Variants in CDCA2 observed in about 807,000 individuals in gnomAD.
The protein encoded by CDCA2 is cell division cycle-associated protein 2.
CDCA2 carries 44 observed loss-of-function variants against 67.0 expected under a neutral mutation model. The ratio of observed to expected loss-of-function variants is 0.66; its 90% confidence interval spans 0.52 to 0.84. CDCA2 has a LOEUF of 0.84. Among genes scored for constraint, CDCA2 ranks in the 40% least tolerant of loss-of-function variants. The pLI, the probability that CDCA2 is intolerant of heterozygous loss-of-function variation, is 0.00. For missense variants in CDCA2, 1,253 were observed against 1,203.2 expected, an observed-to-expected ratio of 1.04 and a Z score of -0.61; for synonymous variants, 447 against 418.7, an observed-to-expected ratio of 1.07 and a Z score of -0.82.
Position 25,506,938 on chromosome 8 carries a change from G to A in CDCA2, c.2272G>A (p.Asp758Asn). 3.1e-6 allele frequency: 5 copies of A among 1,613,172 alleles called. No individual in the cohort carries two copies. The highest frequency in any genetic ancestry group is 4.2e-6 in the Non-Finnish European group (5 of 1,179,728). ...TTGTCAGTTCTTTAAAATTTCACCA[G>A]ATTTAAACATAAAGTGTGAAAGAAA... is the stretch of plus-strand genomic sequence containing the variant. Reference protein sequence around the residue: ...NLCQFFKISPDLNIKCERKDD... With the variant: ...NLCQFFKISPNLNIKCERKDD... Residue 758 changes from aspartate to asparagine, a missense_variant, in exon 15 of 15, where the codon GAT (aspartate) becomes AAT (asparagine). Coordinates refer to ENST00000330560, the MANE Select transcript of CDCA2 (RefSeq NM_152562.4).
Position 25,485,835 on chromosome 8 carries a change from C to T in CDCA2, c.1442C>T (p.Ser481Leu). The T allele has an allele frequency of 6.5e-7, 1 of 1,549,908 alleles. No homozygotes were observed. The highest frequency in any genetic ancestry group is 8.9e-7 in the Non-Finnish European group (1 of 1,126,708). The change falls in exon 11 of 15, where the codon TCA becomes TTA. Residue 481 changes from serine (S) to leucine (L), a missense_variant and splice_region_variant. By Grantham distance (145) the Ser-to-Leu change is moderately radical (BLOSUM62 -2). Transcript: ENST00000330560. ...PNKSSISETL[S>L]GTDTFSSSNN... The stretch of plus-strand genomic sequence containing the variant: ...AAATCATCAATCTCTGAGACCCTTT[C>T]AGGTAGTAACTTGTTTATCTTAAAA...
At chr8:25,468,086 C>G in intron 5 of CDCA2, 131 bp from the exon 6 acceptor site, 1 of 296,348 alleles carries the variant, frequency 3.4e-6, no homozygotes, top group South Asian at 1.6e-4. Context: ...CCATTGTACT[C>G]AAGCCTGGGC....
intron 13 of CDCA2, 117 bp downstream of exon 13, chr8:25,488,806 T>A (rs965734748): frequency 1.7e-5 from 18 of 1,030,374 alleles, no homozygotes; most frequent in Admixed American, 3.5e-5. Context: ...AGATTATTAA[T>A]GCAATCTTAC....
rs369855468 is a variant in CDCA2 at position 25,479,943 on chromosome 8, A to G, written c.851A>G (p.Lys284Arg). 1.9e-5 allele frequency: 31 copies of G among 1,614,072 alleles called. No individual in the cohort carries two copies. The highest frequency in any genetic ancestry group is 7.7e-5 in the South Asian group (7 of 91,088). Residue 284 changes from lysine (K) to arginine (R), a missense_variant, in exon 8 of 15, where the codon AAA becomes AGA. Physicochemically the swap from Lys to Arg is conservative, Grantham distance 26. Transcript: ENST00000330560. ...AAGGTTGCTGACTGTGTAGTGGGCA[A>G]AGGATCAAGTGATGCCGTTTCGCCT... ...ALKVADCVVG[K>R]GSSDAVSPDT...
chr8:25,495,083 C>T (rs1804161496), intron 13 of CDCA2, among the ~76,000 whole-genome samples: 1 of 152,126 alleles, frequency 6.6e-6, no homozygotes, highest in Non-Finnish European at 1.5e-5. Flanking sequence ...AATACATTAC[C>T]CTTTGTCTAA....
chr8:25,468,547 G>GTGTGTGTGTGTGTT, intron 6 of CDCA2, 134 bp downstream of exon 6: 1 of 519,834 alleles, frequency 1.9e-6, no homozygotes, highest in Non-Finnish European at 3.4e-6. Context: ...GTGTGTGTGT[G>GTGTGTGTGTGTGTT]TGTGTGTGTG....
intron 13 of CDCA2, among the ~76,000 whole-genome samples, chr8:25,489,146 A>G (rs1469485262): frequency 6.6e-6 from 1 of 152,070 alleles, no homozygotes; most frequent in East Asian, 1.9e-4. Context: ...CGTCTCAGAT[A>G]CCCTTACAGT....
chr8:25,479,987 G>C lies in CDCA2; in HGVS notation c.895G>C (p.Val299Leu). The change falls in exon 8 of 15, where the codon GTG becomes CTG. Residue 299 changes from valine (V) to leucine (L), a missense_variant. Transcript: ENST00000330560. Reference sequence around the variant, plus strand: ...TTCGCCTGACACGTTCACAGCAGAAGTGAGCTCAGACGCAGTCCCTGATGT... The same window carrying C: ...TTCGCCTGACACGTTCACAGCAGAACTGAGCTCAGACGCAGTCCCTGATGT... ...AVSPDTFTAE[V>L]SSDAVPDVRS... The C allele has an allele frequency of 1.2e-6, 2 of 1,614,188 alleles. No individual in the cohort carries two copies. The highest frequency in any genetic ancestry group is 1.7e-6 in the Non-Finnish European group (2 of 1,180,046).
intron 8 of CDCA2, among the ~76,000 whole-genome samples, chr8:25,482,620 G>A (rs1431499374): frequency 6.6e-6 from 1 of 152,212 alleles, no homozygotes; most frequent in Non-Finnish European, 1.5e-5. Context: ...TGTAATCCCA[G>A]CACTTTGGGA....
At chr8:25,461,935 G>GTT in intron 3 of CDCA2, 119 bp from the exon 4 acceptor site, 1 of 998,778 alleles carries the variant, frequency 1.0e-6, no homozygotes, top group South Asian at 1.6e-5. Flanking sequence ...TCTCCACTGA[G>GTT]TTTTTTGTAG....
chr8:25,494,846 T>C (rs1216683532), intron 13 of CDCA2, among the ~76,000 whole-genome samples: 2 of 152,034 alleles, frequency 1.3e-5, no homozygotes, highest in Non-Finnish European at 2.9e-5. Flanking sequence ...GAGGAGGAAA[T>C]TCGGACCCAC....
At position 25,507,835 on chromosome 8, in the gene CDCA2, C is replaced by G; in HGVS notation, c.*97C>G. ...CATTCTCTGTTCAACCTCAGTGTTT[C>G]AAAAGTTCCTAATAAATAAACTCAT... On this transcript the variant is annotated 3_prime_UTR_variant, in exon 15 of 15. Coordinates refer to ENST00000330560, the MANE Select transcript of CDCA2 (RefSeq NM_152562.4). 7.7e-7 allele frequency: 1 copy of G among 1,293,784 alleles called. No individual in the cohort carries two copies. Among genetic ancestry groups the G allele is most frequent in the Non-Finnish European group, 1.0e-6 (1 of 978,984 alleles). 80.1% of individuals were successfully genotyped at this position (1,293,784 alleles called of 1,614,324 possible).
Position 25,506,705 on chromosome 8 carries a change from C to A in CDCA2, c.2039C>A (p.Thr680Lys). 6.2e-7 allele frequency: 1 copy of A among 1,611,176 alleles called. No individual in the cohort carries two copies. Residue 680 changes from threonine (T) to lysine (K), a missense_variant, in exon 15 of 15, where the codon ACA becomes AAA. Physicochemically the swap from Thr to Lys is moderately conservative, Grantham distance 78 (BLOSUM62 -1). Transcript: ENST00000330560. ...GCTACTTCTGATGAAGATCCAAATA[C>A]AAATATAATGAACATTAATGAAAAT... ...GNATSDEDPN[T>K]NIMNINENKN...
At chr8:25,499,500 C>T (rs111975929) in intron 13 of CDCA2, among the ~76,000 whole-genome samples, 4,675 of 151,784 alleles carry the variant, frequency 0.031, 230 homozygotes, top group African/African-American at 0.098. Context: ...GACGGGGTTT[C>T]GTCATGTTGC....
chr8:25,490,328 T>A (rs1251663437), intron 13 of CDCA2, among the ~76,000 whole-genome samples: 1 of 151,938 alleles, frequency 6.6e-6, no homozygotes, highest in Non-Finnish European at 1.5e-5. Context: ...AGGACCTTGC[T>A]GAATTAATAC....
intron 7 of CDCA2, among the ~76,000 whole-genome samples, chr8:25,472,580 C>T (rs1803200489): frequency 6.6e-6 from 1 of 152,156 alleles, no homozygotes; most frequent in South Asian, 2.1e-4. Flanking sequence ...CACACTTTCA[C>T]ACCTTATTTT....
chr8:25,484,279 G>T, intron 10 of CDCA2, 69 bp downstream of exon 10: 1 of 1,550,020 alleles, frequency 6.5e-7, no homozygotes, highest in Non-Finnish European at 8.8e-7. Flanking sequence ...CTTTGCATGA[G>T]CAATAACTAT....
intron 9 of CDCA2, 117 bp downstream of exon 9, chr8:25,483,603 C>T (rs1290145324): frequency 7.3e-6 from 5 of 688,242 alleles, no homozygotes; most frequent in East Asian, 5.6e-5. Context: ...TGAAATAACA[C>T]GTGAATGAAG....
intron 13 of CDCA2, among the ~76,000 whole-genome samples, chr8:25,489,228 C>T (rs1230127516): frequency 6.6e-6 from 1 of 152,144 alleles, no homozygotes; most frequent in Non-Finnish European, 1.5e-5. Flanking sequence ...CTGGACTCCA[C>T]ACTCCAAAGC....
Sources: gnomAD v4.1 joint callset for allele counts (sites outside exome capture counted in the v4.1 genomes callset) on GRCh38, gnomAD v4.1.1 for gene constraint, MANE v1.5 for transcripts, NCBI Gene and HGNC (gene_info 2026-07-23, HGNC 2026-07-21) for gene names.